Variants in GPD2 observed in about 807,000 individuals in gnomAD.
The protein encoded by GPD2 is glycerol-3-phosphate dehydrogenase 2, also known as glycerol-3-phosphate dehydrogenase, mitochondrial.
GPD2 carries 54 observed loss-of-function variants against 82.4 expected under a neutral mutation model. The ratio of observed to expected loss-of-function variants is 0.66; its 90% CI spans 0.53 to 0.82. The LOEUF (loss-of-function observed/expected upper bound fraction) is 0.82, where lower values mean the gene tolerates loss of function less well. Among genes scored for constraint, GPD2 ranks in the 40% least tolerant of loss-of-function variants. GPD2 has a pLI of 0.00. For missense variants in GPD2, 748 were observed against 896.2 expected (o/e 0.83, Z 2.11); for synonymous variants, 288 against 306.1 (o/e 0.94, Z 0.62).
intron 9 of GPD2, among the ~76,000 whole-genome samples, chr2:156,564,418 A>G (rs1687290190): frequency 6.6e-6 from 1 of 152,088 alleles, no homozygotes; most frequent in African/African-American, 2.4e-5. Flanking sequence ...CAAAATTTCC[A>G]CTGTGGGTAA....
chr2:156,506,010 GC>G (rs1281944034), intron 3 of GPD2, among the ~76,000 whole-genome samples: 1 of 152,168 alleles, frequency 6.6e-6, no homozygotes, highest in Non-Finnish European at 1.5e-5. Context: ...TGTCTTCATT[GC>G]AGTTGGTTGG....
intron 3 of GPD2, among the ~76,000 whole-genome samples, chr2:156,497,242 A>G (rs1684419546): frequency 6.6e-6 from 1 of 152,180 alleles, no homozygotes; most frequent in Non-Finnish European, 1.5e-5. Flanking sequence ...CCTTCTCTGA[A>G]TGATTGTTGT....
At chr2:156,533,341 T>G (rs1309004172) in intron 6 of GPD2, among the ~76,000 whole-genome samples, 2 of 151,986 alleles carry the variant, frequency 1.3e-5, no homozygotes, top group Non-Finnish European at 2.9e-5. Context: ...GAGCTATGAG[T>G]TCTCGAGAAA....
chr2:156,506,586 A>G (rs1387891431), intron 3 of GPD2, among the ~76,000 whole-genome samples: 1 of 152,018 alleles, frequency 6.6e-6, no homozygotes, highest in Non-Finnish European at 1.5e-5. Flanking sequence ...CAATTTGGGA[A>G]ATTAAAAAAA....
intron 1 of GPD2, among the ~76,000 whole-genome samples, chr2:156,467,657 A>AAGG (rs2105186659): frequency 6.6e-6 from 1 of 152,210 alleles, no homozygotes; most frequent in African/African-American, 2.4e-5. Flanking sequence ...TTCCATAGGG[A>AAGG]TTGTCTTTTG....
chr2:156,543,141 T>C (rs1026048789), intron 6 of GPD2, among the ~76,000 whole-genome samples: 1 of 152,166 alleles, frequency 6.6e-6, no homozygotes, highest in Non-Finnish European at 1.5e-5. Context: ...CACCAAAGAT[T>C]TTGTGGTTGA....
At chr2:156,404,839 G>A in the GPD2 span, among the ~76,000 whole-genome samples, 1 of 149,932 alleles carries the variant, frequency 6.7e-6, no homozygotes, top group Non-Finnish European at 1.5e-5. Context: ...AGGGAACAGA[G>A]TGAGACTCCG....
At chr2:156,405,076 A>C in the GPD2 span, among the ~76,000 whole-genome samples, 1 of 152,136 alleles carries the variant, frequency 6.6e-6, no homozygotes, top group Admixed American at 6.6e-5. Context: ...AGAGAAATCC[A>C]TTCAAGAGGT....
intron 6 of GPD2, among the ~76,000 whole-genome samples, chr2:156,525,508 A>T (rs1352185261): frequency 6.6e-6 from 1 of 152,234 alleles, no homozygotes; most frequent in African/African-American, 2.4e-5. Flanking sequence ...TAGGCCTTTC[A>T]ATAGAAAAAA....
At chr2:156,512,103 C>T in intron 4 of GPD2, 117 bp from the exon 5 acceptor site, 1 of 726,740 alleles carries the variant, frequency 1.4e-6, no homozygotes. Flanking sequence ...AGGGAGCTAT[C>T]CTCACTCAGA....
intron 1 of GPD2, among the ~76,000 whole-genome samples, chr2:156,445,858 G>A (rs1369060313): frequency 6.6e-6 from 1 of 152,122 alleles, no homozygotes; most frequent in Non-Finnish European, 1.5e-5. Flanking sequence ...ATGATGGTTA[G>A]TGGTTAGGGT....
rs143818110 is a variant in GPD2, at chr2:156,475,066, A to G, written c.-8-1032A>G. ...TTGATTTTATAGTTTGCTATGATTG[A>G]GCCACTGCACTCTGGCCTGGGTGAC... On this transcript the variant is annotated intron_variant, in intron 1 of 16. Coordinates refer to ENST00000438166, the MANE Select transcript of GPD2 (RefSeq NM_000408.5). Among the ~76,000 whole-genome samples the G allele has an allele frequency of 8.0e-3, 1,220 of 152,238 alleles. 5 individuals are homozygous for G. The highest frequency in any genetic ancestry group is 0.012 in the Non-Finnish European group (787 of 67,998).
At position 156,549,507 on chromosome 2, in the gene GPD2, A is replaced by G. The variant is rs987388837; in HGVS notation, c.662-101A>G. The G allele has an allele frequency of 7.5e-5, 76 of 1,010,054 alleles. No homozygotes were observed. The East Asian group carries it at 1.7e-3, about 22-fold the overall frequency. The allele number at this position is 1,010,054 out of a possible 1,614,324, so 62.6% of individuals were successfully genotyped here. On this transcript the variant is annotated intron_variant, in intron 6 of 16. Transcript: ENST00000438166. ...CCAGCCATCATGCATATCCTGGGTGACAGGGACAGATGTGACATATCTGTT... is the reference window on the plus strand; with the variant it reads ...CCAGCCATCATGCATATCCTGGGTGGCAGGGACAGATGTGACATATCTGTT...
At chr2:156,434,907 AC>A (rs1289815126), upstream of GPD2, among the ~76,000 whole-genome samples, 1 of 152,140 alleles carries the variant, frequency 6.6e-6, no homozygotes, top group East Asian at 1.9e-4. Context: ...CAGTGACTAC[AC>A]TTTTAGAGCC....
chr2:156,509,762 C>CTT (rs1173123041), intron 3 of GPD2, among the ~76,000 whole-genome samples: 2 of 64,188 alleles, frequency 3.1e-5, no homozygotes, highest in East Asian at 1.2e-3. Context: ...AGAATATGTT[C>CTT]TTCTTTTTTT....
chr2:156,503,391 G>A (rs1474031507), intron 3 of GPD2, among the ~76,000 whole-genome samples: 1 of 152,112 alleles, frequency 6.6e-6, no homozygotes, highest in Non-Finnish European at 1.5e-5. Flanking sequence ...TACATTTCAA[G>A]TCCATTGAGT....
At chr2:156,563,599 GA>G (rs1218078884) in intron 9 of GPD2, among the ~76,000 whole-genome samples, 1 of 152,150 alleles carries the variant, frequency 6.6e-6, no homozygotes, top group Non-Finnish European at 1.5e-5. Context: ...AAGAGAGGAG[GA>G]AAGCTTGAAA....
rs77238809 is a variant in GPD2 at position 156,531,704 on chromosome 2, T to A, written c.662-17904T>A. 7.6e-3 allele frequency among the ~76,000 whole-genome samples: 1,160 copies of A among 152,308 alleles called. 14 individuals carry two copies. The highest frequency in any genetic ancestry group is 0.026 in the African/African-American group (1,101 of 41,566). Reference sequence around the variant, plus strand: ...GGAGGCCAGCTGCAATATTCCCACCTGGCCAGGAAGGACACTGCCCTTCTC... The same window carrying A: ...GGAGGCCAGCTGCAATATTCCCACCAGGCCAGGAAGGACACTGCCCTTCTC... On this transcript the variant is annotated intron_variant, in intron 6 of 16. Coordinates refer to ENST00000438166, the MANE Select transcript of GPD2 (RefSeq NM_000408.5).
chr2:156,414,207 T>A, the GPD2 span, among the ~76,000 whole-genome samples: 18 of 152,234 alleles, frequency 1.2e-4, no homozygotes, highest in Non-Finnish European at 2.2e-4. Context: ...ACAAATGTCA[T>A]CAATGTATTC....
Sources: allele counts gnomAD v4.1 joint callset (sites outside exome capture counted in the v4.1 genomes callset), GRCh38; gene constraint gnomAD v4.1.1; transcripts MANE v1.5; gene names NCBI Gene and HGNC (gene_info 2026-07-23, HGNC 2026-07-21).